The following CNGB1 variants were observed in gnomAD, a reference collection of about 807,000 sequenced individuals.
CNGB1 encodes the protein cyclic nucleotide gated channel subunit beta 1, also known as cyclic nucleotide-gated channel beta-1.
In CNGB1, 126 loss-of-function variants were observed where a neutral mutation model predicts 151.7. The ratio of observed to expected loss-of-function variants is 0.83; its 90% CI spans 0.72 to 0.96. The LOEUF is 0.96. CNGB1 is among the 40% of genes least tolerant of loss of function. The pLI, the probability that CNGB1 is intolerant of heterozygous loss-of-function variation, is 0.00. For missense variants in CNGB1, 1,698 were observed against 1,627.0 expected, an observed-to-expected ratio of 1.04 and a Z score of -0.75; for synonymous variants, 623 against 635.1, an observed-to-expected ratio of 0.98 and a Z score of 0.29.
chr16:57,968,776 C>T (rs772364397), intron 1 of CNGB1, among the ~76,000 whole-genome samples: 14 of 151,432 alleles, frequency 9.2e-5, no homozygotes, highest in Non-Finnish European at 1.5e-4. Context: ...CCTGTGATCC[C>T]AGCACTTTGG....
chr16:57,934,951 T>A (rs1961463705), intron 16 of CNGB1, among the ~76,000 whole-genome samples: 1 of 132,504 alleles, frequency 7.5e-6, no homozygotes, highest in Non-Finnish European at 1.5e-5. Context: ...AGCCAGATTC[T>A]GTCTCAAAAA....
At chr16:57,940,681 G>T (rs1319668977) in intron 14 of CNGB1, among the ~76,000 whole-genome samples, 2 of 152,168 alleles carry the variant, frequency 1.3e-5, no homozygotes, top group Non-Finnish European at 2.9e-5. Context: ...CATGGAGGAC[G>T]GTTGGAGGAG....
intron 18 of CNGB1, among the ~76,000 whole-genome samples, chr16:57,920,951 T>A (rs971763244): frequency 6.6e-6 from 1 of 152,116 alleles, no homozygotes. Flanking sequence ...GCAGGCCTAC[T>A]TTTTTAGGCT....
At chr16:57,910,189 G>A (rs549572956) in intron 25 of CNGB1, among the ~76,000 whole-genome samples, 8 of 152,182 alleles carry the variant, frequency 5.3e-5, no homozygotes, top group Non-Finnish European at 1.0e-4. Context: ...CCCCTCCAGC[G>A]TTAACATCAA....
chr16:57,934,046 C>A (rs1458149892), intron 16 of CNGB1, among the ~76,000 whole-genome samples: 5 of 151,842 alleles, frequency 3.3e-5, no homozygotes, highest in African/African-American at 1.2e-4. Context: ...TTTCAAATGG[C>A]CTTTATAAGA....
intron 4 of CNGB1, 117 bp downstream of exon 4, chr16:57,964,013 G>T: frequency 1.1e-6 from 1 of 922,714 alleles, no homozygotes; most frequent in Non-Finnish European, 1.7e-6. Context: ...GCTTTCCCCA[G>T]AATGACAGCA....
At chr16:57,950,753 A>C (rs528507001) in intron 12 of CNGB1, among the ~76,000 whole-genome samples, 1 of 152,196 alleles carries the variant, frequency 6.6e-6, no homozygotes, top group East Asian at 1.9e-4. Context: ...CTCTGTCTCC[A>C]TTATTTTCCC....
intron 17 of CNGB1, among the ~76,000 whole-genome samples, chr16:57,927,776 C>T (rs1408171739): frequency 6.6e-6 from 1 of 152,236 alleles, no homozygotes; most frequent in Non-Finnish European, 1.5e-5. Flanking sequence ...TCATTGTTTC[C>T]CTGCCCATAT....
chr16:57,954,180 G>T (rs1962028567), intron 12 of CNGB1, among the ~76,000 whole-genome samples: 3 of 152,338 alleles, frequency 2.0e-5, no homozygotes, highest in South Asian at 2.1e-4. Context: ...CAGATTAGCT[G>T]AAGTCCCACC....
intron 14 of CNGB1, among the ~76,000 whole-genome samples, chr16:57,943,135 T>C (rs1961713278): frequency 6.6e-6 from 1 of 151,898 alleles, no homozygotes; most frequent in Non-Finnish European, 1.5e-5. Flanking sequence ...TTGCAAACCG[T>C]AAGTCAAATA....
At chr16:57,941,815 G>C (rs1961675782) in intron 14 of CNGB1, among the ~76,000 whole-genome samples, 1 of 151,858 alleles carries the variant, frequency 6.6e-6, no homozygotes, top group Non-Finnish European at 1.5e-5. Flanking sequence ...ACCCTCACTA[G>C]TTATTTATTT....
chr16:57,948,054 G>A (rs968140489), intron 14 of CNGB1, among the ~76,000 whole-genome samples: 3 of 152,172 alleles, frequency 2.0e-5, no homozygotes, highest in South Asian at 2.1e-4. Context: ...GAAAGGACGC[G>A]GGTCATGAGG....
At chr16:57,901,317 C>CCCCAGAT in intron 29 of CNGB1, 35 bp downstream of exon 29, 1 of 1,605,120 alleles carries the variant, frequency 6.2e-7, no homozygotes, top group Non-Finnish European at 8.5e-7. Context: ...GGATGGTGAA[C>CCCCAGAT]CCCAGATCCC....
At chr16:57,949,795 C>T (rs1202535481) in intron 13 of CNGB1, among the ~76,000 whole-genome samples, 2 of 152,222 alleles carry the variant, frequency 1.3e-5, no homozygotes, top group Non-Finnish European at 2.9e-5. Flanking sequence ...ATTGCGACAT[C>T]CCTGTGGAAG....
chr16:57,918,762 C>T (rs1422859945), intron 20 of CNGB1, among the ~76,000 whole-genome samples: 1 of 152,078 alleles, frequency 6.6e-6, no homozygotes, highest in African/African-American at 2.4e-5. Context: ...TGCAATTGTG[C>T]GATCTTGACT....
intron 1 of CNGB1, among the ~76,000 whole-genome samples, chr16:57,970,843 T>C (rs1168660620): frequency 6.6e-6 from 1 of 151,896 alleles, no homozygotes; most frequent in East Asian, 1.9e-4. Flanking sequence ...AAATATAGAT[T>C]CCTAGGTCCC....
intron 18 of CNGB1, 86 bp downstream of exon 18, chr16:57,923,187 G>T (rs1961091049): frequency 1.9e-6 from 2 of 1,038,598 alleles, no homozygotes; most frequent in South Asian, 1.4e-5. Flanking sequence ...GCGGTAGAAG[G>T]TTCTAAAAGC....
chr16:57,921,116 C>CT (rs1301316920), intron 18 of CNGB1, among the ~76,000 whole-genome samples: 1 of 142,902 alleles, frequency 7.0e-6, no homozygotes, highest in African/African-American at 2.6e-5. Flanking sequence ...AGCTGAATAT[C>CT]TTTTTTATCT....
chr16:57,888,588 T>G (rs891634106), intron 31 of CNGB1, among the ~76,000 whole-genome samples: 1 of 151,914 alleles, frequency 6.6e-6, no homozygotes, highest in African/African-American at 2.4e-5. Context: ...CCCACCTGAG[T>G]AGCTGGAACT....
Sources: allele counts gnomAD v4.1 joint callset (sites outside exome capture counted in the v4.1 genomes callset), GRCh38; gene constraint gnomAD v4.1.1; transcripts MANE v1.5; gene names NCBI Gene and HGNC (gene_info 2026-07-23, HGNC 2026-07-21).